The following GPD2 variants were observed in gnomAD, a reference collection of about 807,000 sequenced individuals.
GPD2 encodes the protein glycerol-3-phosphate dehydrogenase 2, also known as glycerol-3-phosphate dehydrogenase, mitochondrial.
In GPD2, 54 loss-of-function variants were observed where a neutral mutation model predicts 82.4. That is an observed-to-expected ratio of 0.66 (90% CI 0.53 to 0.82). The LOEUF (loss-of-function observed/expected upper bound fraction) is 0.82. Ranked by LOEUF, GPD2 falls within the 40% of genes least tolerant of loss-of-function variation. GPD2 has a pLI of 0.00. For synonymous variants in GPD2, 288 were observed against 306.1 expected (o/e 0.94, Z 0.62); for missense variants, 748 against 896.2 (o/e 0.83, Z 2.11).
chr2:156,543,010 A>T (rs1327654176), intron 6 of GPD2, among the ~76,000 whole-genome samples: 1 of 152,048 alleles, frequency 6.6e-6, no homozygotes, highest in East Asian at 1.9e-4. Flanking sequence ...CATAATGTGT[A>T]CCCCCAAAAA....
In GPD2 at chr2:156,578,909, G is replaced by A. The variant is rs770048037; in HGVS notation, c.1788G>A (p.Arg596=). 1 of 1,603,928 alleles carries A rather than the reference G, an allele frequency of 6.2e-7. No individual in the cohort carries two copies. Among genetic ancestry groups the A allele is most frequent in the Middle Eastern group, 1.7e-4 (1 of 5,746 alleles). The change falls in exon 14 of 17, where the codon AGG becomes AGA. Residue 596 remains arginine, a synonymous_variant. Coordinates refer to ENST00000438166, the MANE Select transcript of GPD2 (RefSeq NM_000408.5). ...YKKQEQLETA[R]KFLYYEMGYK... ...TTTAGGAACAACTTGAAACAGCCAG[G>A]AAGTTTCTATATTATGAAATGGGCT...
intron 6 of GPD2, among the ~76,000 whole-genome samples, chr2:156,517,664 G>C (rs937400566): frequency 6.6e-6 from 1 of 152,162 alleles, no homozygotes; most frequent in African/African-American, 2.4e-5. Context: ...TCAGAAGAAA[G>C]TGTTTAGGGC....
intron 8 of GPD2, among the ~76,000 whole-genome samples, chr2:156,551,577 A>C (rs762178865): frequency 2.0e-5 from 3 of 152,202 alleles, no homozygotes; most frequent in African/African-American, 7.2e-5. Flanking sequence ...ATAATGACTT[A>C]TGTGCAACAG....
chr2:156,422,958 G>A, the GPD2 span, among the ~76,000 whole-genome samples: 2 of 152,132 alleles, frequency 1.3e-5, no homozygotes, highest in Non-Finnish European at 2.9e-5. Flanking sequence ...TATTTGTTAG[G>A]TGAATGAATA....
chr2:156,421,555 A>G, the GPD2 span, among the ~76,000 whole-genome samples: 1 of 152,200 alleles, frequency 6.6e-6, no homozygotes, highest in Non-Finnish European at 1.5e-5. Flanking sequence ...ACAGTCTGCT[A>G]AAGAGTTGAA....
At chr2:156,433,444 T>C (rs149577421), upstream of GPD2, among the ~76,000 whole-genome samples, 1,608 of 152,178 alleles carry the variant, frequency 0.011, 25 homozygotes, top group African/African-American at 0.036. Context: ...AGGAACTGAC[T>C]TAGTGCAAGA....
chr2:156,447,182 G>GTGCCCCA (rs1316569887), intron 1 of GPD2, among the ~76,000 whole-genome samples: 18 of 152,148 alleles, frequency 1.2e-4, no homozygotes, highest in African/African-American at 4.1e-4. Context: ...CATTGCACCT[G>GTGCCCCA]TGCCCCATTC....
At chr2:156,542,015 G>A (rs1686342944) in intron 6 of GPD2, among the ~76,000 whole-genome samples, 4 of 151,714 alleles carry the variant, frequency 2.6e-5, no homozygotes, top group Admixed American at 2.6e-4. Flanking sequence ...GCTTCTAAGT[G>A]TCTTAAAAGG....
At chr2:156,581,504 TTTA>T (rs1313371965) in intron 16 of GPD2, among the ~76,000 whole-genome samples, 20 of 152,290 alleles carry the variant, frequency 1.3e-4, no homozygotes, top group Non-Finnish European at 1.5e-4. Flanking sequence ...TTGTTCCGTC[TTTA>T]GATGTCAGCA....
the GPD2 span, among the ~76,000 whole-genome samples, chr2:156,405,713 T>G: frequency 2.0e-5 from 3 of 152,172 alleles, no homozygotes; most frequent in African/African-American, 7.2e-5. Context: ...GCCTTCTGGG[T>G]GGTGCACACT....
chr2:156,512,649 G>T (rs78467449), intron 5 of GPD2, among the ~76,000 whole-genome samples: 7,083 of 152,252 alleles, frequency 0.047, 239 homozygotes, highest in Middle Eastern at 0.088. Context: ...GACTGTAAAT[G>T]GTTGAGCTAA....
chr2:156,540,774 G>GA (rs1573979997), intron 6 of GPD2, among the ~76,000 whole-genome samples: 2 of 152,144 alleles, frequency 1.3e-5, no homozygotes, highest in South Asian at 2.1e-4. Context: ...ATGACATACA[G>GA]AAAAAAGAAT....
At chr2:156,543,511 A>G (rs953831273) in intron 6 of GPD2, among the ~76,000 whole-genome samples, 4 of 152,230 alleles carry the variant, frequency 2.6e-5, no homozygotes, top group African/African-American at 9.6e-5. Flanking sequence ...ACAAGTGATC[A>G]ATAAATGAGT....
intron 9 of GPD2, among the ~76,000 whole-genome samples, chr2:156,561,017 A>C (rs942301313): frequency 7.2e-6 from 1 of 139,378 alleles, no homozygotes; most frequent in Non-Finnish European, 1.5e-5. Context: ...TAGTTGAAGA[A>C]ACTGAGGCCC....
At chr2:156,430,077 C>T in the GPD2 span, among the ~76,000 whole-genome samples, 1 of 151,994 alleles carries the variant, frequency 6.6e-6, no homozygotes, top group South Asian at 2.1e-4. Context: ...TGTAAACTAC[C>T]TAAACTGTAC....
chr2:156,488,271 G>T (rs552847734), intron 2 of GPD2, among the ~76,000 whole-genome samples: 1 of 152,264 alleles, frequency 6.6e-6, no homozygotes, highest in African/African-American at 2.4e-5. Context: ...GTGAATAAAG[G>T]CCTTTAAAAC....
intron 3 of GPD2, among the ~76,000 whole-genome samples, chr2:156,498,048 G>A (rs1472546685): frequency 1.3e-5 from 2 of 152,158 alleles, no homozygotes; most frequent in Non-Finnish European, 2.9e-5. Context: ...AATTTACTAG[G>A]TGATAATTTT....
At chr2:156,568,990 CT>C (rs36082652) in intron 10 of GPD2, 31 bp downstream of exon 10, 67,882 of 1,201,992 alleles carry the variant, frequency 0.056, no homozygotes, top group Middle Eastern at 0.062. Context: ...ATTTTCTTTT[CT>C]TTTTTTTTTT....
At chr2:156,507,400 C>A (rs1684826744) in intron 3 of GPD2, among the ~76,000 whole-genome samples, 1 of 151,620 alleles carries the variant, frequency 6.6e-6, no homozygotes, top group African/African-American at 2.4e-5. Flanking sequence ...TGGCTCACTG[C>A]AACTTCTGTC....
Sources: allele counts gnomAD v4.1 joint callset (sites outside exome capture counted in the v4.1 genomes callset), GRCh38; gene constraint gnomAD v4.1.1; transcripts MANE v1.5; gene names NCBI Gene and HGNC (gene_info 2026-07-23, HGNC 2026-07-21).